The following PSD3 variants were observed in gnomAD, a reference collection of about 807,000 sequenced individuals.
PSD3 encodes the protein pleckstrin and Sec7 domain containing 3, also known as PH and SEC7 domain-containing protein 3.
Under a neutral mutation model 105.5 loss-of-function variants are expected in PSD3, and 49 were observed. The observed-to-expected ratio is 0.46, with a 90% CI of 0.37 to 0.59. The LOEUF is 0.59. Among genes scored for constraint, PSD3 ranks in the 20% least tolerant of loss-of-function variants. The pLI, the probability that PSD3 is intolerant of heterozygous loss-of-function variation, is 0.00. For missense variants in PSD3, 1,561 were observed against 1,263.8 expected, an observed-to-expected ratio of 1.24 and a Z score of -3.57; for synonymous variants, 557 against 457.8, an observed-to-expected ratio of 1.22 and a Z score of -2.77.
intron 2 of PSD3, among the ~76,000 whole-genome samples, chr8:18,893,691 G>C (rs1416605932): frequency 1.3e-5 from 2 of 152,066 alleles, no homozygotes; most frequent in African/African-American, 4.8e-5. Flanking sequence ...AGAGGGCAGG[G>C]AAGCAGGATC....
At chr8:18,684,231 C>T (rs1800537128) in intron 9 of PSD3, 1 of 220,064 alleles carries the variant, frequency 4.5e-6, no homozygotes, top group Admixed American at 5.6e-5. Context: ...CACACACACA[C>T]ACACACACAC....
At chr8:18,986,543 G>T (rs1825503459) in intron 1 of PSD3, among the ~76,000 whole-genome samples, 1 of 131,084 alleles carries the variant, frequency 7.6e-6, no homozygotes, top group African/African-American at 2.9e-5. Context: ...TCTTTCTTGA[G>T]ATAAAATGGT....
At chr8:18,666,525 G>C (rs947869296) in intron 9 of PSD3, among the ~76,000 whole-genome samples, 1 of 152,134 alleles carries the variant, frequency 6.6e-6, no homozygotes, top group Non-Finnish European at 1.5e-5. Flanking sequence ...GAACTGATTA[G>C]AACATTAAGT....
At chr8:18,858,274 C>T (rs1291726469) in intron 4 of PSD3, among the ~76,000 whole-genome samples, 1 of 152,170 alleles carries the variant, frequency 6.6e-6, no homozygotes, top group Non-Finnish European at 1.5e-5. Flanking sequence ...CTAAAAACAA[C>T]AGTGTACATA....
chr8:18,789,019 T>C (rs1313313827), intron 8 of PSD3, among the ~76,000 whole-genome samples: 3 of 152,190 alleles, frequency 2.0e-5, no homozygotes, highest in Non-Finnish European at 4.4e-5. Context: ...AGAGCTCATT[T>C]AAGTGCTAAA....
At position 19,080,885 on chromosome 8, in the gene PSD3, T is replaced by C. The variant is rs147155990; in HGVS notation, c.324+3321A>G. On this transcript the variant is annotated intron_variant, in intron 1 of 1. Transcript: ENST00000521475. ...TATATACCAAAAGTCACTGCCATTT[T>C]AAGACACAAAATATGTAAAATATGA... is the stretch of plus-strand genomic sequence containing the variant. Among the ~76,000 whole-genome samples, 1,084 of 152,290 alleles carry C rather than the reference T, an allele frequency of 7.1e-3. 9 individuals carry two copies. Among genetic ancestry groups the C allele is most frequent in the African/African-American group, 0.025 (1,045 of 41,548 alleles).
intron 11 of PSD3, among the ~76,000 whole-genome samples, chr8:18,626,840 G>A (rs1448080394): frequency 2.6e-5 from 4 of 152,038 alleles, no homozygotes; most frequent in South Asian, 2.1e-4. Context: ...GGAAGGAAAC[G>A]AAAGCTTTTC....
chr8:18,547,021 T>C (rs1800490690), intron 15 of PSD3, among the ~76,000 whole-genome samples: 1 of 152,182 alleles, frequency 6.6e-6, no homozygotes, highest in Non-Finnish European at 1.5e-5. Context: ...GGGCTGTTTC[T>C]CTAGACAGGG....
Position 18,743,957 on chromosome 8 carries a change from T to TACCACCA in PSD3, c.2172+21491_2172+21492insTGGTGGT, listed in dbSNP as rs1210197387. 8.7e-3 allele frequency among the ~76,000 whole-genome samples: 647 copies of TACCACCA among 73,972 alleles called. 10 individuals are homozygous for TACCACCA. Among genetic ancestry groups the TACCACCA allele is most frequent in the African/African-American group, 0.028 (607 of 21,406 alleles). The allele number at this position is 73,972 out of a possible 152,430, so 48.5% of individuals were successfully genotyped here. A position where few individuals can be genotyped will look rare whatever the true frequency, so the allele number is the denominator to read the frequency against. On this transcript the variant is annotated intron_variant, in intron 9 of 15. Transcript: ENST00000327040. Reference sequence around the variant, plus strand: ...CCTGGGTGAAAGTGCAAACTCTGTCTCTCACCACCACCACCACCACCACCA... The same window carrying TACCACCA: ...CCTGGGTGAAAGTGCAAACTCTGTCTACCACCACTCACCACCACCACCACCACCACCA...
chr8:18,926,704 G>T (rs1821385885), intron 2 of PSD3, among the ~76,000 whole-genome samples: 1 of 152,112 alleles, frequency 6.6e-6, no homozygotes, highest in Admixed American at 6.6e-5. Context: ...TTTTTCCTCT[G>T]ATCTCACACC....
chr8:18,607,696 C>CAAA (rs1491567677), intron 11 of PSD3, among the ~76,000 whole-genome samples: 50 of 96,506 alleles, frequency 5.2e-4, no homozygotes, highest in African/African-American at 2.2e-3. Context: ...AAAAAAAAAA[C>CAAA]AAAACAAAAA....
intron 10 of PSD3, among the ~76,000 whole-genome samples, chr8:18,635,142 G>A (rs1348072587): frequency 6.6e-6 from 1 of 152,006 alleles, no homozygotes; most frequent in Non-Finnish European, 1.5e-5. Flanking sequence ...GTTATAATAA[G>A]GTGTGCTCCT....
At chr8:18,547,939 T>TA (rs1469625773) in intron 15 of PSD3, among the ~76,000 whole-genome samples, 2 of 152,118 alleles carry the variant, frequency 1.3e-5, no homozygotes, top group African/African-American at 4.8e-5. Context: ...ATGCAGCAAT[T>TA]GGCTCTGTTG....
At chr8:18,850,181 C>A (rs1815447854) in intron 4 of PSD3, among the ~76,000 whole-genome samples, 1 of 152,228 alleles carries the variant, frequency 6.6e-6, no homozygotes, top group Non-Finnish European at 1.5e-5. Context: ...ACCAGAACCA[C>A]AGCAATGCAA....
At chr8:18,782,538 C>T (rs1201104436) in intron 8 of PSD3, among the ~76,000 whole-genome samples, 1 of 152,096 alleles carries the variant, frequency 6.6e-6, no homozygotes, top group African/African-American at 2.4e-5. Flanking sequence ...TCAGGCAGGC[C>T]AGTTCTTAGG....
chr8:18,753,328 T>A lies in PSD3; in HGVS notation c.2172+12121A>T, dbSNP rs1360648049. 2.7e-5 allele frequency among the ~76,000 whole-genome samples: 4 copies of A among 150,218 alleles called. No homozygotes were observed. In the East Asian group the frequency reaches 7.8e-4, roughly 29 times the overall value. Reference sequence around the variant, plus strand: ...GAGATCATGCCACTGTACTCCAGCCTAGGGGACAGAGCGAGACTCCAACTC... The same window carrying A: ...GAGATCATGCCACTGTACTCCAGCCAAGGGGACAGAGCGAGACTCCAACTC... On this transcript the variant is annotated intron_variant, in intron 9 of 15. Coordinates refer to ENST00000327040, the MANE Select transcript of PSD3 (RefSeq NM_015310.4).
intron 9 of PSD3, among the ~76,000 whole-genome samples, chr8:18,719,759 T>C (rs1185390821): frequency 6.6e-6 from 1 of 152,182 alleles, no homozygotes; most frequent in Non-Finnish European, 1.5e-5. Flanking sequence ...AATCTTCAAG[T>C]TACCTAAATC....
At chr8:18,731,754 A>G (rs1359626265) in intron 9 of PSD3, among the ~76,000 whole-genome samples, 1 of 152,198 alleles carries the variant, frequency 6.6e-6, no homozygotes, top group African/African-American at 2.4e-5. Context: ...AATCTAAAAT[A>G]AAACTAGGTA....
chr8:18,752,537 T>TA (rs1304230415), intron 9 of PSD3, among the ~76,000 whole-genome samples: 1 of 30,880 alleles, frequency 3.2e-5, no homozygotes, highest in African/African-American at 2.2e-4. Flanking sequence ...TAATTATATA[T>TA]TATATATATT....
Sources: allele counts gnomAD v4.1 joint callset (sites outside exome capture counted in the v4.1 genomes callset), GRCh38; gene constraint gnomAD v4.1.1; transcripts MANE v1.5; gene names NCBI Gene and HGNC (gene_info 2026-07-23, HGNC 2026-07-21).